The following MAP3K21 variants were observed in gnomAD, a reference collection of about 807,000 sequenced individuals.
MAP3K21 encodes the protein mitogen-activated protein kinase kinase kinase MLK4.
Under a neutral mutation model 86.1 loss-of-function variants are expected in MAP3K21, and 63 were observed. The ratio of observed to expected loss-of-function variants is 0.73; its 90% CI spans 0.60 to 0.90. The LOEUF (loss-of-function observed/expected upper bound fraction) is 0.90. MAP3K21 is among the 40% of genes least tolerant of loss of function. The probability of loss-of-function intolerance (pLI) is 0.00; values close to 1 mark genes in which losing one functional copy is unlikely to be tolerated. For synonymous variants in MAP3K21, 558 were observed against 564.8 expected (o/e 0.99, Z 0.17); for missense variants, 1,220 against 1,367.7 (o/e 0.89, Z 1.70).
At chr1:233,334,965 T>TTC (rs1401913919) in intron 1 of MAP3K21, among the ~76,000 whole-genome samples, 7 of 150,722 alleles carry the variant, frequency 4.6e-5, no homozygotes, top group South Asian at 4.2e-4. Flanking sequence ...CTTTCTTTCT[T>TTC]TTTTTTTTTT....
At chr1:233,333,832 G>A (rs1662859060) in intron 1 of MAP3K21, among the ~76,000 whole-genome samples, 1 of 152,144 alleles carries the variant, frequency 6.6e-6, no homozygotes, top group Non-Finnish European at 1.5e-5. Context: ...CCAGAATAGT[G>A]CAGCTAAGGG....
In MAP3K21 at chr1:233,382,389, A is replaced by T. The variant is rs763281698; in HGVS notation, c.2789A>T (p.Glu930Val). 3 of 1,614,066 alleles carry T rather than the reference A, an allele frequency of 1.9e-6. No individual in the cohort carries two copies. Among genetic ancestry groups the T allele is most frequent in the Admixed American group, 1.7e-5 (1 of 60,006 alleles). ...GCTCCTCACAGTCATCTGCCAAGGG[A>T]GGTCTCACCCAAGAAGCACAGCACT... is the stretch of plus-strand genomic sequence containing the variant. ...SPAPHSHLPR[E>V]VSPKKHSTVH... The change falls in exon 10 of 10, where the codon GAG becomes GTG. Residue 930 changes from glutamate (E) to valine (V), a missense_variant. Glu to Val is a moderately radical substitution (Grantham distance 121, BLOSUM62 -2). Around this residue, in one of 5 missense-constraint regions of MAP3K21, gnomAD observed 632 missense variants for 691.3 expected, o/e 0.91. Transcript: ENST00000366624.
intron 1 of MAP3K21, among the ~76,000 whole-genome samples, chr1:233,331,352 G>A (rs1032455444): frequency 1.3e-5 from 2 of 152,198 alleles, no homozygotes; most frequent in African/African-American, 4.8e-5. Flanking sequence ...TTACTATAAA[G>A]TGAAGAGTTT....
intron 1 of MAP3K21, among the ~76,000 whole-genome samples, chr1:233,336,168 G>A (rs1215193600): frequency 6.6e-6 from 1 of 152,140 alleles, no homozygotes; most frequent in African/African-American, 2.4e-5. Context: ...TTAGGAATAA[G>A]CGATGCATTT....
chr1:233,383,935 G>A lies in MAP3K21; in HGVS notation c.*1224G>A, dbSNP rs1402810585. 3.9e-5 allele frequency: 6 copies of A among 152,002 alleles called. No homozygotes were observed. The highest frequency in any genetic ancestry group is 3.9e-4 in the Admixed American group (6 of 15,260). 9.4% of individuals were successfully genotyped at this position (152,002 alleles called of 1,614,324 possible). On this transcript the variant is annotated 3_prime_UTR_variant, in exon 10 of 10. Transcript: ENST00000366624. ...AAATTATCTATGAATCACTTTTATG[G>A]TCATACATATATGATACAAATCCAG...
intron 1 of MAP3K21, among the ~76,000 whole-genome samples, chr1:233,345,384 A>G (rs1017746926): frequency 3.9e-5 from 6 of 152,336 alleles, no homozygotes; most frequent in South Asian, 2.1e-4. Flanking sequence ...TATATACACC[A>G]TGGAATACTA....
In MAP3K21 at chr1:233,383,754, A is replaced by G. The variant is rs1378287453; in HGVS notation, c.*1043A>G. 1 of 152,226 alleles carries G rather than the reference A, an allele frequency of 6.6e-6. No individual in the cohort carries two copies. Among genetic ancestry groups the G allele is most frequent in the Non-Finnish European group, 1.5e-5 (1 of 68,034 alleles). The allele number at this position is 152,226 out of a possible 1,614,324, so 9.4% of individuals were successfully genotyped here. A position where few individuals can be genotyped will look rare whatever the true frequency, so the allele number is the denominator to read the frequency against. ...CAAGGAACAGCAGTACAGTACTATT[A>G]GAAGTTAAGTATGTTGTTGTTATTT... On this transcript the variant is annotated 3_prime_UTR_variant, in exon 10 of 10. Transcript: ENST00000366624.
chr1:233,360,723 A>G (rs1436063564), intron 4 of MAP3K21, among the ~76,000 whole-genome samples: 2 of 152,198 alleles, frequency 1.3e-5, no homozygotes, highest in Non-Finnish European at 2.9e-5. Context: ...CCGTCTGTAA[A>G]AAGTCCAAGT....
At chr1:233,351,421 A>C (rs1401523110) in intron 2 of MAP3K21, among the ~76,000 whole-genome samples, 2 of 152,302 alleles carry the variant, frequency 1.3e-5, no homozygotes, top group East Asian at 3.9e-4. Flanking sequence ...TAGTGGAGAA[A>C]TAGCTTGTGA....
intron 3 of MAP3K21, among the ~76,000 whole-genome samples, chr1:233,354,473 T>G (rs1663309644): frequency 6.6e-6 from 1 of 152,242 alleles, no homozygotes; most frequent in Non-Finnish European, 1.5e-5. Context: ...AGGCTTTGTT[T>G]GAGTTACATG....
chr1:233,372,058 G>A lies in MAP3K21; in HGVS notation c.1573G>A (p.Val525Met), dbSNP rs1229276980. The A allele has an allele frequency of 4.3e-6, 7 of 1,613,802 alleles. No individual in the cohort carries two copies. Among genetic ancestry groups the A allele is most frequent in the East Asian group, 2.2e-5 (1 of 44,886 alleles). ...AACAGATTTCCAGCACAAGATAACC[G>A]TGCAGGCCTCTCCCAACTTGGACAA... ...LPSDFQHKIT[V>M]QASPNLDKRR... The change falls in exon 6 of 10, where the codon GTG becomes ATG. Residue 525 changes from valine to methionine, a missense_variant. By Grantham distance (21) the Val-to-Met change is conservative (BLOSUM62 1). Coordinates refer to ENST00000366624, the MANE Select transcript of MAP3K21 (RefSeq NM_032435.3).
intron 6 of MAP3K21, 71 bp downstream of exon 6, chr1:233,372,231 T>A: frequency 6.4e-7 from 1 of 1,573,860 alleles, no homozygotes. Flanking sequence ...GGATTCAAAT[T>A]GAGCAGATGT....
rs758820797 is a variant in MAP3K21 at position 233,353,835 on chromosome 1, A to G, written c.1015A>G (p.Thr339Ala). Reference sequence around the variant, plus strand: ...TGGAGTGCTGCTGTGGGAACTGCTCACCGGAGAAGTCCCCTATCGGGGCAT... The same window carrying G: ...TGGAGTGCTGCTGTGGGAACTGCTCGCCGGAGAAGTCCCCTATCGGGGCAT... ...SYGVLLWELLTGEVPYRGIDG... is the reference protein window; with the variant it reads ...SYGVLLWELLAGEVPYRGIDG... Residue 339 changes from threonine (T) to alanine (A), a missense_variant, in exon 3 of 10, where the codon ACC (threonine) becomes GCC (alanine). Thr to Ala is a moderately conservative substitution (Grantham distance 58). Transcript: ENST00000366624. 53 of 1,606,514 alleles carry G rather than the reference A, an allele frequency of 3.3e-5. No homozygotes were observed. The highest frequency in any genetic ancestry group is 1.7e-4 in the Middle Eastern group (1 of 6,036).
At chr1:233,348,333 T>C (rs1663187972) in intron 2 of MAP3K21, among the ~76,000 whole-genome samples, 2 of 152,268 alleles carry the variant, frequency 1.3e-5, no homozygotes, top group African/African-American at 4.8e-5. Flanking sequence ...TTCATTTTTA[T>C]GGCTTAATCA....
rs1392601828 is a variant in MAP3K21, at chr1:233,328,221, G to C, written c.193G>C (p.Val65Leu). Reference protein sequence around the residue: ...DELSLRRGQLVEVLSQDAAVS... With the variant: ...DELSLRRGQLLEVLSQDAAVS... ...GCTGAGCCTGCGGCGCGGCCAGCTG[G>C]TGGAGGTGCTGTCGCAGGACGCCGC... The change falls in exon 1 of 10, where the codon GTG (valine) becomes CTG (leucine). Residue 65 changes from valine to leucine, a missense_variant. Coordinates refer to ENST00000366624, the MANE Select transcript of MAP3K21 (RefSeq NM_032435.3). The surrounding 1 kb of genome is among the most constrained non-coding windows in gnomAD (Gnocchi z 8.7). 1.3e-5 allele frequency: 20 copies of C among 1,490,426 alleles called. No individual in the cohort carries two copies. The highest frequency in any genetic ancestry group is 1.7e-5 in the Non-Finnish European group (19 of 1,128,606). 92.3% of individuals were successfully genotyped at this position (1,490,426 alleles called of 1,614,324 possible).
Position 233,328,167 on chromosome 1 carries a change from T to C in MAP3K21, c.139T>C (p.Tyr47His). 6.8e-7 allele frequency: 1 copy of C among 1,469,200 alleles called. No individual in the cohort carries two copies. Among genetic ancestry groups the C allele is most frequent in the Non-Finnish European group, 8.9e-7 (1 of 1,117,400 alleles). The allele number at this position is 1,469,200 out of a possible 1,614,324, so 91.0% of individuals were successfully genotyped here. The change falls in exon 1 of 10, where the codon TAT becomes CAT. Residue 47 changes from tyrosine to histidine, a missense_variant. Transcript: ENST00000366624. This position sits in a 1 kb window ranked among gnomAD's most constrained non-coding sequence, Gnocchi z 8.7. The stretch of plus-strand genomic sequence containing the variant: ...GGGCGCGGGGCTGTGGGCCGCGCTC[T>C]ATGACTACGAGGCTCGCGGCGAGGA... ...SAGAGLWAAL[Y>H]DYEARGEDEL...
At chr1:233,346,207 A>G (rs969787535) in intron 1 of MAP3K21, among the ~76,000 whole-genome samples, 1 of 152,244 alleles carries the variant, frequency 6.6e-6, no homozygotes, top group Admixed American at 6.5e-5. Context: ...ACTTTCTCAG[A>G]AAGAGAACTA....
At chr1:233,362,649 C>T (rs1484299546) in intron 5 of MAP3K21, among the ~76,000 whole-genome samples, 6 of 151,764 alleles carry the variant, frequency 4.0e-5, no homozygotes, top group African/African-American at 7.3e-5. Flanking sequence ...TGCAAAACAA[C>T]GAAACTGTTA....
At chr1:233,364,432 C>T (rs1483576184) in intron 5 of MAP3K21, among the ~76,000 whole-genome samples, 2 of 151,950 alleles carry the variant, frequency 1.3e-5, no homozygotes, top group African/African-American at 2.4e-5. Context: ...TTATTGTTTC[C>T]CTTGGGAAAC....
Sources: allele counts gnomAD v4.1 joint callset (sites outside exome capture counted in the v4.1 genomes callset), GRCh38; gene constraint gnomAD v4.1.1; regional missense constraint gnomAD v4.1.1; non-coding constraint Gnocchi (gnomAD v3.1); transcripts MANE v1.5; gene names NCBI Gene and HGNC (gene_info 2026-07-23, HGNC 2026-07-21).